Variants in CTNNA2 observed in about 807,000 individuals in gnomAD.
CTNNA2 encodes the protein catenin alpha-2.
In CTNNA2, 42 loss-of-function variants were observed where a neutral mutation model predicts 101.0. The ratio of observed to expected loss-of-function variants is 0.42; its 90% confidence interval spans 0.32 to 0.54. The LOEUF (loss-of-function observed/expected upper bound fraction) is 0.54. CTNNA2 is among the 20% of genes least tolerant of loss of function. CTNNA2 has a pLI of 0.14. For missense variants in CTNNA2, 871 were observed against 1,223.1 expected (o/e 0.71, Z 4.29); for synonymous variants, 450 against 456.4 (o/e 0.99, Z 0.18).
chr2:79,560,870 A>G (rs1011821178), intron 1 of CTNNA2, among the ~76,000 whole-genome samples: 12 of 151,908 alleles, frequency 7.9e-5, no homozygotes, highest in African/African-American at 2.7e-4. Context: ...CCTAGTATTA[A>G]TAATTCCTGA....
chr2:80,608,427 G>A, intron 17 of CTNNA2, 109 bp downstream of exon 17: 1 of 1,166,682 alleles, frequency 8.6e-7, no homozygotes, highest in Non-Finnish European at 1.2e-6. Flanking sequence ...TGATTTATAG[G>A]GAGGGCTTTT....
chr2:79,842,498 G>A (rs748716484), intron 3 of CTNNA2, among the ~76,000 whole-genome samples: 4 of 152,076 alleles, frequency 2.6e-5, no homozygotes, highest in Non-Finnish European at 5.9e-5. Context: ...AGTCATCATT[G>A]TTATCATCAT....
At position 80,339,203 on chromosome 2, in the gene CTNNA2, GTA is replaced by G. The variant is rs375724033; in HGVS notation, c.1057-54006_1057-54005del. On this transcript the variant is annotated intron_variant, in intron 7 of 18. Coordinates refer to ENST00000402739, the MANE Select transcript of CTNNA2 (RefSeq NM_001282597.3). Reference sequence around the variant, plus strand: ...TGTGTGTGTGCACATGTGTGTGTGTGTATCACACCCATCCATTGAGTTTCAAT... The same window carrying G: ...TGTGTGTGTGCACATGTGTGTGTGTGTCACACCCATCCATTGAGTTTCAAT... 5.7e-4 allele frequency among the ~76,000 whole-genome samples: 86 copies of G among 152,186 alleles called. 1 individual carries two copies. The East Asian group carries it at 9.3e-3, about 16-fold the overall frequency.
chr2:80,280,509 T>C (rs1385438014), intron 7 of CTNNA2, among the ~76,000 whole-genome samples: 1 of 151,808 alleles, frequency 6.6e-6, no homozygotes, highest in Non-Finnish European at 1.5e-5. Context: ...ATGGGTGGGA[T>C]GGCTAACCTT....
intron 3 of CTNNA2, among the ~76,000 whole-genome samples, chr2:79,338,599 T>C (rs1012321001): frequency 6.9e-6 from 1 of 145,752 alleles, no homozygotes; most frequent in Non-Finnish European, 1.5e-5. Flanking sequence ...CTTCTTCTTC[T>C]TCTTCTTCTT....
chr2:80,049,839 T>C (rs1235830022), intron 7 of CTNNA2, among the ~76,000 whole-genome samples: 1 of 152,194 alleles, frequency 6.6e-6, no homozygotes, highest in African/African-American at 2.4e-5. Context: ...TTTTTCCAAT[T>C]CTGCTCTTTA....
intron 7 of CTNNA2, among the ~76,000 whole-genome samples, chr2:80,065,987 C>G (rs1697961846): frequency 6.6e-6 from 1 of 152,106 alleles, no homozygotes; most frequent in Non-Finnish European, 1.5e-5. Context: ...CAAACTTGTT[C>G]CTGTTATCTA....
At chr2:80,560,054 CAAAAAAA>C (rs70940085) in intron 12 of CTNNA2, among the ~76,000 whole-genome samples, 2 of 55,042 alleles carry the variant, frequency 3.6e-5, no homozygotes, top group Non-Finnish European at 7.5e-5. Flanking sequence ...AACAATAGAC[CAAAAAAA>C]AAAAAAAAAA....
chr2:80,228,426 T>C (rs1440805929), intron 7 of CTNNA2, among the ~76,000 whole-genome samples: 1 of 152,194 alleles, frequency 6.6e-6, no homozygotes, highest in Non-Finnish European at 1.5e-5. Flanking sequence ...TCTGCCTTTA[T>C]GACCTAATCA....
At position 80,581,836 on chromosome 2, in the gene CTNNA2, G is replaced by A. The variant is rs1340244572; in HGVS notation, c.2007+17G>A. 1 of 1,497,686 alleles carries A rather than the reference G, an allele frequency of 6.7e-7. No homozygotes were observed. Among genetic ancestry groups the A allele is most frequent in the Non-Finnish European group, 9.3e-7 (1 of 1,074,524 alleles). 92.8% of individuals were successfully genotyped at this position (1,497,686 alleles called of 1,614,324 possible). A position where few individuals can be genotyped will look rare whatever the true frequency, so the allele number is the denominator to read the frequency against. ...AGCGCACGGGTGAGTGGACACCTAA[G>A]ACTTTGGCTTGGCACACAGGGACCG... On this transcript the variant is annotated intron_variant, in intron 14 of 18. Transcript: ENST00000402739.
intron 4 of CTNNA2, among the ~76,000 whole-genome samples, chr2:79,500,334 A>C (rs1671305435): frequency 6.6e-6 from 1 of 152,144 alleles, no homozygotes; most frequent in South Asian, 2.1e-4. Context: ...CATTTCTATA[A>C]TACAGGCATT....
chr2:79,741,948 C>T (rs1671314669), intron 2 of CTNNA2, among the ~76,000 whole-genome samples: 1 of 150,242 alleles, frequency 6.7e-6, no homozygotes, highest in Non-Finnish European at 1.5e-5. Flanking sequence ...GGAAGCCCAT[C>T]CCTTTCTTTC....
chr2:79,323,748 A>G (rs1676678716), intron 3 of CTNNA2, among the ~76,000 whole-genome samples: 1 of 152,110 alleles, frequency 6.6e-6, no homozygotes, highest in Non-Finnish European at 1.5e-5. Context: ...TGTTCCTGGG[A>G]AAGTCTTTTG....
intron 7 of CTNNA2, among the ~76,000 whole-genome samples, chr2:80,380,045 T>TC: frequency 7.0e-6 from 1 of 142,968 alleles, no homozygotes; most frequent in African/African-American, 2.6e-5. Context: ...TTTTTTTTTT[T>TC]TTTTTTTTTG....
Position 80,374,448 on chromosome 2 carries a change from C to T in CTNNA2, c.1057-18763C>T, listed in dbSNP as rs1319177285. Among the ~76,000 whole-genome samples, 4 of 152,082 alleles carry T rather than the reference C, an allele frequency of 2.6e-5. No homozygotes were observed. In the East Asian group the frequency reaches 7.7e-4, roughly 29 times the overall value. ...TGTATATGTAACACATCTTCTTTAA[C>T]CAATTTACCGTTCATGGGTACCTAG... On this transcript the variant is annotated intron_variant, in intron 7 of 18. Transcript: ENST00000402739.
chr2:79,969,583 G>C (rs985172707), intron 7 of CTNNA2, among the ~76,000 whole-genome samples: 6 of 152,172 alleles, frequency 3.9e-5, no homozygotes, highest in Non-Finnish European at 8.8e-5. Flanking sequence ...GAGAAGAACA[G>C]AAGTAAACTA....
rs975062137 is a variant in CTNNA2, at chr2:79,895,823, T to A, written c.853-13771T>A. On this transcript the variant is annotated intron_variant, in intron 6 of 18. Transcript: ENST00000402739. ...ATCCACCGACTTAAAAATGTAAAAATTATTATTAGCTTTATAAGCTTAAGA... is the reference window on the plus strand; with the variant it reads ...ATCCACCGACTTAAAAATGTAAAAAATATTATTAGCTTTATAAGCTTAAGA... Among the ~76,000 whole-genome samples the A allele has an allele frequency of 4.5e-4, 68 of 151,434 alleles. 1 individual carries two copies. Among genetic ancestry groups the A allele is most frequent in the Middle Eastern group, 3.2e-3 (1 of 310 alleles).
chr2:79,960,739 T>C (rs1689571483), intron 7 of CTNNA2, among the ~76,000 whole-genome samples: 2 of 152,196 alleles, frequency 1.3e-5, no homozygotes, highest in Non-Finnish European at 2.9e-5. Flanking sequence ...ACTAGGCCCA[T>C]TGGATCTATA....
chr2:79,656,585 C>T (rs1013684634), intron 2 of CTNNA2, among the ~76,000 whole-genome samples: 5 of 151,922 alleles, frequency 3.3e-5, no homozygotes, highest in Non-Finnish European at 5.9e-5. Context: ...TACCTTATAT[C>T]AATAATGATA....
Sources: allele counts gnomAD v4.1 joint callset (sites outside exome capture counted in the v4.1 genomes callset), GRCh38; gene constraint gnomAD v4.1.1; transcripts MANE v1.5; gene names NCBI Gene and HGNC (gene_info 2026-07-23, HGNC 2026-07-21).